The following CDH13 variants were observed in gnomAD, a reference collection of about 807,000 sequenced individuals.
CDH13 encodes cadherin 13.
In CDH13, 24 loss-of-function variants were observed where a neutral mutation model predicts 63.8. That is an observed-to-expected ratio of 0.38 (90% CI 0.27 to 0.53). The LOEUF is 0.53. CDH13 is among the 20% of genes least tolerant of loss of function. The pLI, the probability that CDH13 is intolerant of heterozygous loss-of-function variation, is 0.85. For synonymous variants in CDH13, 503 were observed against 355.3 expected (o/e 1.42, Z -4.67); for missense variants, 1,049 against 903.1 (o/e 1.16, Z -2.07).
At chr16:83,727,704 G>A (rs1189936396) in intron 10 of CDH13, among the ~76,000 whole-genome samples, 1 of 152,092 alleles carries the variant, frequency 6.6e-6, no homozygotes, top group African/African-American at 2.4e-5. Context: ...AAAGTCTTAG[G>A]CTTGCTAGCT....
intron 7 of CDH13, among the ~76,000 whole-genome samples, chr16:83,548,211 A>G (rs1286471522): frequency 6.6e-6 from 1 of 152,060 alleles, no homozygotes; most frequent in African/African-American, 2.4e-5. Flanking sequence ...GATATTTAGG[A>G]GGCAAACTCA....
intron 6 of CDH13, among the ~76,000 whole-genome samples, chr16:83,480,281 G>T (rs546116092): frequency 1.3e-5 from 2 of 152,230 alleles, no homozygotes; most frequent in East Asian, 3.9e-4. Flanking sequence ...ATACCACTGC[G>T]CTCCAACCTA....
chr16:82,962,352 A>G (rs928731854), intron 2 of CDH13, among the ~76,000 whole-genome samples: 8 of 152,160 alleles, frequency 5.3e-5, no homozygotes, highest in Non-Finnish European at 7.3e-5. Flanking sequence ...ACTTCCAAAA[A>G]AGCGTGGCCC....
intron 2 of CDH13, among the ~76,000 whole-genome samples, chr16:82,864,919 G>A (rs1349742941): frequency 2.0e-5 from 3 of 152,110 alleles, no homozygotes; most frequent in African/African-American, 4.8e-5. Flanking sequence ...ATGGAGGTAC[G>A]GGCATTGGGT....
chr16:83,782,942 G>A (rs866066763), intron 12 of CDH13, among the ~76,000 whole-genome samples: 67 of 152,114 alleles, frequency 4.4e-4, no homozygotes, highest in African/African-American at 1.3e-3. Context: ...CTTCATGAAA[G>A]GAGCTCTCCT....
intron 7 of CDH13, among the ~76,000 whole-genome samples, chr16:83,503,153 T>TA (rs1335431270): frequency 1.3e-5 from 2 of 152,194 alleles, no homozygotes; most frequent in Non-Finnish European, 2.9e-5. Flanking sequence ...GCAAGGGGTA[T>TA]AAAGTGAGGC....
Position 83,796,961 on chromosome 16 carries a change from G to T in CDH13, c.*1931G>T, listed in dbSNP as rs1270240142. The T allele has an allele frequency of 6.6e-6, 1 of 152,232 alleles. No individual in the cohort carries two copies. The highest frequency in any genetic ancestry group is 1.5e-5 in the Non-Finnish European group (1 of 68,052). 9.4% of individuals were successfully genotyped at this position (152,232 alleles called of 1,614,324 possible). ...AAATCCTGTTGCTGGATCAGGAGAT[G>T]CCACACCTTGAACTTGATAGGGTCA... On this transcript the variant is annotated 3_prime_UTR_variant, in exon 14 of 14. Transcript: ENST00000567109.
In CDH13 at chr16:82,661,253, C is replaced by T. The variant is rs376840526; in HGVS notation, c.45+34116C>T. ...AATGAGATAGTCCTGAGGACACACG[C>T]TCTGTCCATTGAAACAGATTAGCTC... On this transcript the variant is annotated intron_variant, in intron 1 of 13. Transcript: ENST00000567109. 2.2e-4 allele frequency among the ~76,000 whole-genome samples: 34 copies of T among 152,356 alleles called. No individual in the cohort carries two copies. The East Asian group carries it at 2.3e-3, about 10-fold the overall frequency.
intron 2 of CDH13, among the ~76,000 whole-genome samples, chr16:82,995,328 A>T (rs1912083529): frequency 1.3e-5 from 2 of 152,220 alleles, no homozygotes; most frequent in Admixed American, 6.5e-5. Context: ...GCATCTAGGT[A>T]TGACCATGGA....
At chr16:82,757,702 G>A (rs1313348887) in intron 1 of CDH13, among the ~76,000 whole-genome samples, 1 of 150,142 alleles carries the variant, frequency 6.7e-6, no homozygotes, top group Non-Finnish European at 1.5e-5. Context: ...GGAGCGCAGT[G>A]GTGCGATCTT....
chr16:83,253,706 C>G (rs566067249), intron 5 of CDH13, among the ~76,000 whole-genome samples: 1 of 152,170 alleles, frequency 6.6e-6, no homozygotes, highest in Non-Finnish European at 1.5e-5. Flanking sequence ...ATACACAGGA[C>G]ATGCTTAGAC....
At chr16:83,148,060 C>G (rs1266694612) in intron 4 of CDH13, among the ~76,000 whole-genome samples, 1 of 152,160 alleles carries the variant, frequency 6.6e-6, no homozygotes, top group African/African-American at 2.4e-5. Context: ...GCCTCAGCCT[C>G]CTGAGTAGCT....
At chr16:83,286,588 T>G (rs2089320306) in intron 5 of CDH13, among the ~76,000 whole-genome samples, 1 of 151,952 alleles carries the variant, frequency 6.6e-6, no homozygotes, top group African/African-American at 2.4e-5. Context: ...AAACCCTGTC[T>G]CTACTAAAAT....
chr16:83,246,619 T>C (rs144730592), intron 5 of CDH13, among the ~76,000 whole-genome samples: 753 of 152,334 alleles, frequency 4.9e-3, no homozygotes, highest in Non-Finnish European at 8.3e-3. Flanking sequence ...ATTTCTTCTT[T>C]GGTTGCATCT....
At chr16:82,678,619 C>T (rs2318180) in intron 1 of CDH13, among the ~76,000 whole-genome samples, 2,644 of 152,266 alleles carry the variant, frequency 0.017, 69 homozygotes, top group African/African-American at 0.057. Flanking sequence ...TGCTGATTTA[C>T]TAAGAAATAT....
At chr16:83,478,836 GAA>G (rs374669824) in intron 6 of CDH13, among the ~76,000 whole-genome samples, 2 of 112,288 alleles carry the variant, frequency 1.8e-5, no homozygotes, top group South Asian at 2.9e-4. Flanking sequence ...TTGAAGATGA[GAA>G]AAAAAAAAAA....
rs377552947 is a variant in CDH13, at chr16:83,336,429, C to T, written c.637-8433C>T. Among the ~76,000 whole-genome samples the T allele has an allele frequency of 2.0e-4, 30 of 152,168 alleles. No individual in the cohort carries two copies. In the South Asian group the frequency reaches 3.9e-3, roughly 20 times the overall value. On this transcript the variant is annotated intron_variant, in intron 5 of 13. Coordinates refer to ENST00000567109, the MANE Select transcript of CDH13 (RefSeq NM_001257.5). ...GAGATAACGGCAGTGGCAGCATCTA[C>T]GCTAAAAAACATTTTAGTGCCCCAG...
chr16:83,274,446 C>A (rs970141047), intron 5 of CDH13, among the ~76,000 whole-genome samples: 3 of 152,190 alleles, frequency 2.0e-5, no homozygotes, highest in Non-Finnish European at 4.4e-5. Flanking sequence ...AGACCCTCTG[C>A]CACAGGCTTC....
intron 3 of CDH13, among the ~76,000 whole-genome samples, chr16:83,103,080 G>C (rs1251889401): frequency 6.7e-6 from 1 of 149,824 alleles, no homozygotes; most frequent in Non-Finnish European, 1.5e-5. Flanking sequence ...AGCTTCCGAA[G>C]TAGCTGGGAT....
Sources: allele counts gnomAD v4.1 joint callset (sites outside exome capture counted in the v4.1 genomes callset), GRCh38; gene constraint gnomAD v4.1.1; transcripts MANE v1.5; gene names NCBI Gene and HGNC (gene_info 2026-07-23, HGNC 2026-07-21).